RNF150: variants seen among roughly 807,000 people sequenced by gnomAD.
RNF150 encodes ring finger protein 150.
In RNF150, 24 loss-of-function variants were observed where a neutral mutation model predicts 39.3. The ratio of observed to expected loss-of-function variants is 0.61; its 90% CI spans 0.44 to 0.86. The LOEUF is 0.86. Ranked by LOEUF, RNF150 falls within the 40% of genes least tolerant of loss-of-function variation. The probability of loss-of-function intolerance (pLI) is 0.00; values close to 1 mark genes in which losing one functional copy is unlikely to be tolerated. For missense variants in RNF150, 502 were observed against 587.8 expected (o/e 0.85, Z 1.51); for synonymous variants, 255 against 227.3 (o/e 1.12, Z -1.10).
chr4:141,090,461 C>T (rs1738538498), intron 1 of RNF150, among the ~76,000 whole-genome samples: 1 of 151,974 alleles, frequency 6.6e-6, no homozygotes, highest in Admixed American at 6.6e-5. Flanking sequence ...GGGAAAAAAC[C>T]CACCTCTACA....
intron 1 of RNF150, among the ~76,000 whole-genome samples, chr4:141,106,638 C>T (rs939042721): frequency 2.6e-5 from 4 of 151,860 alleles, no homozygotes; most frequent in African/African-American, 9.7e-5. Context: ...ACTAAAAATA[C>T]AAAAAATTAG....
chr4:140,964,801 G>A (rs186085818), intron 2 of RNF150, among the ~76,000 whole-genome samples: 5 of 152,088 alleles, frequency 3.3e-5, no homozygotes, highest in Admixed American at 2.0e-4. Flanking sequence ...ATGAACAGCC[G>A]TGAGACATTA....
At chr4:140,957,791 A>G (rs1202474088) in intron 2 of RNF150, among the ~76,000 whole-genome samples, 2 of 151,922 alleles carry the variant, frequency 1.3e-5, no homozygotes, top group African/African-American at 4.8e-5. Context: ...TCAGTAAACT[A>G]TCACAAGAAC....
chr4:140,978,429 C>T (rs1733743749), intron 1 of RNF150, among the ~76,000 whole-genome samples: 4 of 152,140 alleles, frequency 2.6e-5, no homozygotes, highest in Non-Finnish European at 5.9e-5. Flanking sequence ...TCACTGATGT[C>T]AATTCCTCAG....
rs570630683 is a variant in RNF150, at chr4:140,902,466, T to C, written c.1198+8678A>G. On this transcript the variant is annotated intron_variant, in intron 6 of 6. Coordinates refer to ENST00000515673, the MANE Select transcript of RNF150 (RefSeq NM_020724.2). ...CCATGCAAAGGCATAATTTTCACTG[T>C]AGTAAAAAGCACATTTTTGCAGGGG... 6.6e-5 allele frequency among the ~76,000 whole-genome samples: 10 copies of C among 152,340 alleles called. No homozygotes were observed. The East Asian group carries it at 1.9e-3, about 29-fold the overall frequency.
At chr4:141,118,236 G>GAT (rs1241837734) in intron 1 of RNF150, among the ~76,000 whole-genome samples, 2 of 152,166 alleles carry the variant, frequency 1.3e-5, no homozygotes, top group Admixed American at 1.3e-4. Context: ...AACAGTCACT[G>GAT]GCAGTTGGAG....
At chr4:140,870,254 C>T (rs2111181140) in intron 6 of RNF150, among the ~76,000 whole-genome samples, 1 of 152,192 alleles carries the variant, frequency 6.6e-6, no homozygotes, top group South Asian at 2.1e-4. Flanking sequence ...AGCAATGTAA[C>T]AGATCAATGG....
chr4:140,914,481 A>C (rs1034613993), intron 5 of RNF150, among the ~76,000 whole-genome samples: 1 of 152,280 alleles, frequency 6.6e-6, no homozygotes, highest in Admixed American at 6.5e-5. Flanking sequence ...CAACTGCTAA[A>C]TAGAATCTTG....
chr4:140,944,570 A>G (rs760199115), intron 4 of RNF150: 1 of 152,240 alleles, frequency 6.6e-6, no homozygotes, highest in Non-Finnish European at 1.5e-5. Context: ...ATAATTCATC[A>G]TAATTTGTTC....
chr4:141,038,133 C>T (rs1736214350), intron 1 of RNF150, among the ~76,000 whole-genome samples: 1 of 152,128 alleles, frequency 6.6e-6, no homozygotes, highest in Non-Finnish European at 1.5e-5. Flanking sequence ...ATGTGTACCC[C>T]TAAAGGGCTC....
chr4:141,140,009 C>T (rs1185675914), intron 1 of RNF150, among the ~76,000 whole-genome samples: 2 of 151,994 alleles, frequency 1.3e-5, no homozygotes, highest in Non-Finnish European at 2.9e-5. Context: ...TTTTTGCTTT[C>T]GTAAGTTTTC....
intron 1 of RNF150, among the ~76,000 whole-genome samples, chr4:141,021,828 C>T (rs562116944): frequency 5.3e-5 from 8 of 152,274 alleles, no homozygotes; most frequent in Admixed American, 2.6e-4. Flanking sequence ...ATGCCAAAGC[C>T]CCTCTGTCCC....
intron 1 of RNF150, among the ~76,000 whole-genome samples, chr4:141,212,625 CTGT>C (rs1314632677): frequency 6.6e-6 from 1 of 152,144 alleles, no homozygotes; most frequent in Non-Finnish European, 1.5e-5. Context: ...TACACTGAGG[CTGT>C]TGTTCACTGT....
chr4:141,026,650 T>A (rs1735708422), intron 1 of RNF150, among the ~76,000 whole-genome samples: 1 of 152,114 alleles, frequency 6.6e-6, no homozygotes, highest in Non-Finnish European at 1.5e-5. Flanking sequence ...CTCCCAGGGG[T>A]AATATGGTAT....
intron 1 of RNF150, among the ~76,000 whole-genome samples, chr4:141,176,053 ATT>A (rs35532391): frequency 1.4e-5 from 2 of 144,932 alleles, no homozygotes; most frequent in African/African-American, 2.5e-5. Flanking sequence ...TGGTGGGCTA[ATT>A]TTTTTTTTTT....
At chr4:141,157,234 G>A (rs1727424826) in intron 1 of RNF150, among the ~76,000 whole-genome samples, 1 of 152,116 alleles carries the variant, frequency 6.6e-6, no homozygotes, top group South Asian at 2.1e-4. Context: ...AAAAATGTAG[G>A]GGTGTGTCAC....
chr4:141,150,594 C>T (rs1727280400), intron 1 of RNF150, among the ~76,000 whole-genome samples: 1 of 152,186 alleles, frequency 6.6e-6, no homozygotes, highest in Admixed American at 6.6e-5. Context: ...GAGTAAAAGC[C>T]AGAGATTTTA....
At chr4:140,992,821 G>T (rs543603734) in intron 1 of RNF150, among the ~76,000 whole-genome samples, 13 of 152,292 alleles carry the variant, frequency 8.5e-5, no homozygotes, top group African/African-American at 2.6e-4. Flanking sequence ...CTGGGGAAAA[G>T]AGTTGGGATT....
intron 1 of RNF150, among the ~76,000 whole-genome samples, chr4:141,116,858 G>A (rs1174160021): frequency 6.6e-6 from 1 of 152,108 alleles, no homozygotes; most frequent in Non-Finnish European, 1.5e-5. Context: ...GGATGAAGCT[G>A]GAAACCATTA....
Sources: gnomAD v4.1 joint callset for allele counts (sites outside exome capture counted in the v4.1 genomes callset) on GRCh38, gnomAD v4.1.1 for gene constraint, MANE v1.5 for transcripts, NCBI Gene and HGNC (gene_info 2026-07-23, HGNC 2026-07-21) for gene names.